Variants in STK39 observed in about 807,000 individuals in gnomAD.
STK39 encodes serine/threonine kinase 39.
A neutral mutation model predicts 77.8 loss-of-function variants in STK39; 20 were observed. That is an observed-to-expected ratio of 0.26 (90% CI 0.18 to 0.37). STK39 has a LOEUF of 0.37. STK39 is among the 10% of genes least tolerant of loss of function. STK39 has a pLI of 1.00. For missense variants in STK39, 479 were observed against 656.5 expected (o/e 0.73, Z 2.95); for synonymous variants, 246 against 234.1 (o/e 1.05, Z -0.47).
intron 6 of STK39, 88 bp downstream of exon 6, chr2:168,140,561 A>G (rs772082602): frequency 3.2e-5 from 40 of 1,234,874 alleles, no homozygotes; most frequent in Non-Finnish European, 4.6e-5. Flanking sequence ...TTCTACTAAA[A>G]TGCTAGATAC....
At chr2:168,081,356 G>A (rs2105415968) in intron 10 of STK39, among the ~76,000 whole-genome samples, 1 of 152,272 alleles carries the variant, frequency 6.6e-6, no homozygotes, top group South Asian at 2.1e-4. Flanking sequence ...TCATTTTGGA[G>A]CTTTAAGATT....
intron 16 of STK39, among the ~76,000 whole-genome samples, chr2:167,988,964 T>A (rs562616990): frequency 1.3e-5 from 2 of 152,302 alleles, no homozygotes; most frequent in Admixed American, 6.5e-5. Context: ...GTTGAAGGCA[T>A]CCTCAAGCCC....
At chr2:168,060,297 G>A (rs990314000) in intron 14 of STK39, among the ~76,000 whole-genome samples, 13 of 152,168 alleles carry the variant, frequency 8.5e-5, no homozygotes, top group African/African-American at 3.1e-4. Context: ...ATATGCTGAA[G>A]CCCTAACCCT....
At chr2:168,085,816 T>C (rs1187813976) in intron 10 of STK39, among the ~76,000 whole-genome samples, 1 of 152,186 alleles carries the variant, frequency 6.6e-6, no homozygotes, top group Non-Finnish European at 1.5e-5. Flanking sequence ...ATTTTTGCCT[T>C]ACCTATAACC....
rs75388423 is a variant in STK39 at position 168,090,772 on chromosome 2, C to T, written c.1090-15541G>A. 5.8e-3 allele frequency among the ~76,000 whole-genome samples: 878 copies of T among 152,242 alleles called. 10 individuals are homozygous for T. Among genetic ancestry groups the T allele is most frequent in the African/African-American group, 0.02 (849 of 41,516 alleles). On this transcript the variant is annotated intron_variant, in intron 10 of 17. Coordinates refer to ENST00000355999, the MANE Select transcript of STK39 (RefSeq NM_013233.3). ...AACAACCATCTTTTGCCATCACCGG[C>T]CTTTTCGCTGTGGGGATGTGGTTAA... is the stretch of plus-strand genomic sequence containing the variant.
intron 12 of STK39, among the ~76,000 whole-genome samples, chr2:168,073,968 T>C (rs1686010001): frequency 6.6e-6 from 1 of 151,834 alleles, no homozygotes; most frequent in African/African-American, 2.4e-5. Flanking sequence ...ATGATAAACA[T>C]AGGAGAAAAC....
chr2:168,000,819 T>A (rs757579605), intron 16 of STK39, among the ~76,000 whole-genome samples: 3 of 152,092 alleles, frequency 2.0e-5, no homozygotes, highest in Non-Finnish European at 4.4e-5. Flanking sequence ...AATCACAAAC[T>A]GGTAAGGAGT....
At chr2:168,154,556 C>G (rs1688375969) in intron 5 of STK39, among the ~76,000 whole-genome samples, 1 of 152,176 alleles carries the variant, frequency 6.6e-6, no homozygotes. Context: ...TGACCAAAAC[C>G]TATTTACAAT....
intron 12 of STK39, among the ~76,000 whole-genome samples, chr2:168,074,710 G>C (rs1440092850): frequency 1.3e-5 from 2 of 152,192 alleles, no homozygotes; most frequent in African/African-American, 4.8e-5. Context: ...TTGTGTACGG[G>C]ATTTTGCCAA....
intron 5 of STK39, among the ~76,000 whole-genome samples, chr2:168,155,710 AAGTGATATTCCC>A (rs1688410104): frequency 1.3e-5 from 2 of 152,186 alleles, no homozygotes; most frequent in African/African-American, 4.8e-5. Context: ...CCAAAATCAG[AAGTGATATTCCC>A]CATTAAAAAC....
intron 16 of STK39, among the ~76,000 whole-genome samples, 165 bp from the exon 17 acceptor site, chr2:167,964,891 A>G (rs1692104769): frequency 6.6e-6 from 1 of 152,242 alleles, no homozygotes; most frequent in African/African-American, 2.4e-5. Flanking sequence ...TCTCATACAG[A>G]TATTTCTACA....
intron 16 of STK39, among the ~76,000 whole-genome samples, chr2:167,986,612 T>A (rs1308529075): frequency 1.3e-5 from 2 of 152,142 alleles, no homozygotes; most frequent in African/African-American, 4.8e-5. Flanking sequence ...TTTAGACTTT[T>A]AAGATAAGTA....
intron 5 of STK39, among the ~76,000 whole-genome samples, chr2:168,157,736 G>C (rs1688471384): frequency 6.6e-6 from 1 of 151,944 alleles, no homozygotes; most frequent in African/African-American, 2.4e-5. Context: ...TGGTAATTAG[G>C]GTTCAACATA....
intron 5 of STK39, among the ~76,000 whole-genome samples, chr2:168,144,718 T>C (rs1688088838): frequency 6.6e-6 from 1 of 152,068 alleles, no homozygotes; most frequent in African/African-American, 2.4e-5. Context: ...TGCCTTTTCA[T>C]AAGCAAGGCA....
chr2:167,988,430 T>G (rs1292296691), intron 16 of STK39, among the ~76,000 whole-genome samples: 1 of 152,136 alleles, frequency 6.6e-6, no homozygotes, highest in African/African-American at 2.4e-5. Flanking sequence ...GGCTAATGCT[T>G]CCCAACATGA....
Position 168,037,953 on chromosome 2 carries a change from T to C in STK39, c.1377-20858A>G, listed in dbSNP as rs534926721. ...CTGTGCTGTAATGACTCACCATCATTTGAGCAAAAGACTTAAAAGAAAAGG... is the reference window on the plus strand; with the variant it reads ...CTGTGCTGTAATGACTCACCATCATCTGAGCAAAAGACTTAAAAGAAAAGG... On this transcript the variant is annotated intron_variant, in intron 14 of 17. Coordinates refer to ENST00000355999, the MANE Select transcript of STK39 (RefSeq NM_013233.3). 2.3e-3 allele frequency among the ~76,000 whole-genome samples: 350 copies of C among 152,238 alleles called. 2 individuals are homozygous for C. Among genetic ancestry groups the C allele is most frequent in the African/African-American group, 8.0e-3 (332 of 41,556 alleles).
intron 1 of STK39, among the ~76,000 whole-genome samples, chr2:168,208,551 T>C (rs957783568): frequency 6.6e-6 from 1 of 152,242 alleles, no homozygotes; most frequent in African/African-American, 2.4e-5. Flanking sequence ...CACCATTTTC[T>C]TTTCTGTACA....
At chr2:168,076,116 T>C (rs982919578) in intron 10 of STK39, among the ~76,000 whole-genome samples, 6 of 152,174 alleles carry the variant, frequency 3.9e-5, no homozygotes, top group African/African-American at 1.4e-4. Flanking sequence ...ATGAACATGA[T>C]GTGAATGCAA....
At chr2:168,155,559 GC>G (rs1221275202) in intron 5 of STK39, among the ~76,000 whole-genome samples, 3 of 141,746 alleles carry the variant, frequency 2.1e-5, no homozygotes, top group African/African-American at 8.9e-5. Flanking sequence ...TAAAGCACTT[GC>G]ACCCCCCCCA....
Sources: allele counts gnomAD v4.1 joint callset (sites outside exome capture counted in the v4.1 genomes callset), GRCh38; gene constraint gnomAD v4.1.1; transcripts MANE v1.5; gene names NCBI Gene and HGNC (gene_info 2026-07-23, HGNC 2026-07-21).